BCR: variants seen among roughly 807,000 people sequenced by gnomAD.
BCR encodes BCR activator of RhoGEF and GTPase.
BCR carries 58 observed loss-of-function variants against 138.6 expected under a neutral mutation model. That is an observed-to-expected ratio of 0.42 (90% CI 0.34 to 0.52). The LOEUF is 0.52. Among genes scored for constraint, BCR ranks in the 20% least tolerant of loss-of-function variants. The pLI is 0.06. For missense variants in BCR, 1,599 were observed against 1,727.2 expected, an observed-to-expected ratio of 0.93 and a Z score of 1.32; for synonymous variants, 786 against 730.1, an observed-to-expected ratio of 1.08 and a Z score of -1.23.
intron 1 of BCR, among the ~76,000 whole-genome samples, chr22:23,223,432 G>A (rs2072851771): frequency 6.6e-6 from 1 of 152,192 alleles, no homozygotes; most frequent in Admixed American, 6.5e-5. Flanking sequence ...TGGGCTTTGT[G>A]TACATTTCTT....
At chr22:23,242,357 G>A (rs574508646) in intron 1 of BCR, among the ~76,000 whole-genome samples, 2 of 152,258 alleles carry the variant, frequency 1.3e-5, no homozygotes, top group African/African-American at 4.8e-5. Flanking sequence ...GGTGATAAGG[G>A]CTATTTTCTC....
At chr22:23,276,833 G>A (rs947095884) in intron 8 of BCR, among the ~76,000 whole-genome samples, 5 of 152,232 alleles carry the variant, frequency 3.3e-5, no homozygotes, top group South Asian at 2.1e-4. Flanking sequence ...GTCAGGGTCC[G>A]CTCTCCCTCA....
At position 23,301,441 on chromosome 22, in the gene BCR, C is replaced by A. The variant is rs528966976; in HGVS notation, c.3012+6286C>A. Among the ~76,000 whole-genome samples, 921 of 152,368 alleles carry A rather than the reference C, an allele frequency of 6.0e-3. 9 individuals are homozygous for A. The highest frequency in any genetic ancestry group is 0.02 in the African/African-American group (829 of 41,588). ...GGACTGTGTCTCAGGGCCCCCGTCC[C>A]TGTTGCGCTGCACTCGGCTAGGCTG... On this transcript the variant is annotated intron_variant, in intron 16 of 22. Coordinates refer to ENST00000305877, the MANE Select transcript of BCR (RefSeq NM_004327.4).
At chr22:23,261,298 C>T in intron 3 of BCR, 57 bp from the exon 4 acceptor site, 4 of 1,535,802 alleles carry the variant, frequency 2.6e-6, no homozygotes, top group Non-Finnish European at 3.6e-6. Flanking sequence ...CCATACAATG[C>T]ACCTGACGGA....
In BCR at chr22:23,181,496, A is replaced by G. The variant is rs2072259863; in HGVS notation, c.536A>G (p.Asn179Ser). 1.2e-6 allele frequency: 2 copies of G among 1,612,136 alleles called. No individual in the cohort carries two copies. Among genetic ancestry groups the G allele is most frequent in the Non-Finnish European group, 1.7e-6 (2 of 1,179,344 alleles). Residue 179 changes from asparagine to serine, a missense_variant, in exon 1 of 23, where the codon AAC (asparagine) becomes AGC (serine). Physicochemically the swap from Asn to Ser is conservative, Grantham distance 46 (BLOSUM62 1). Coordinates refer to ENST00000305877, the MANE Select transcript of BCR (RefSeq NM_004327.4). ...GACGCCGAGAAGCCCTTCTACGTGAACGTCGAGTTTCACCACGAGCGCGGC... is the reference window on the plus strand; with the variant it reads ...GACGCCGAGAAGCCCTTCTACGTGAGCGTCGAGTTTCACCACGAGCGCGGC... ...GADAEKPFYV[N>S]VEFHHERGLV... is the part of the protein sequence containing the mutation.
At chr22:23,292,992 C>T (rs2073805715) in intron 15 of BCR, among the ~76,000 whole-genome samples, 1 of 152,084 alleles carries the variant, frequency 6.6e-6, no homozygotes, top group African/African-American at 2.4e-5. Context: ...CCGTGACCCT[C>T]TTGGCTTCCG....
intron 1 of BCR, among the ~76,000 whole-genome samples, chr22:23,188,836 T>G (rs2146198058): frequency 6.6e-6 from 1 of 152,106 alleles, no homozygotes; most frequent in Middle Eastern, 3.4e-3. Flanking sequence ...ATGTTAGAAG[T>G]TTGTTATTTT....
chr22:23,220,607 A>T (rs1421914109), intron 1 of BCR, among the ~76,000 whole-genome samples: 2 of 152,106 alleles, frequency 1.3e-5, no homozygotes, highest in East Asian at 1.9e-4. Context: ...ACCCACTTGC[A>T]AGCTCAGCTC....
intron 1 of BCR, among the ~76,000 whole-genome samples, chr22:23,248,737 A>C (rs541528953): frequency 2.6e-5 from 4 of 152,274 alleles, no homozygotes; most frequent in African/African-American, 7.2e-5. Context: ...TTCCTGGTTC[A>C]GGTGAGCAGC....
intron 1 of BCR, among the ~76,000 whole-genome samples, chr22:23,186,925 G>T (rs745996703): frequency 6.6e-6 from 1 of 152,144 alleles, no homozygotes; most frequent in Non-Finnish European, 1.5e-5. Flanking sequence ...CAGTAGAGAC[G>T]GGGTTTCGCC....
At chr22:23,269,486 C>A (rs755175492) in intron 5 of BCR, among the ~76,000 whole-genome samples, 6 of 152,224 alleles carry the variant, frequency 3.9e-5, no homozygotes, top group Admixed American at 1.3e-4. Context: ...TCAGCTGTCA[C>A]CCCTGGGCTT....
intron 1 of BCR, among the ~76,000 whole-genome samples, chr22:23,228,445 G>A (rs987437935): frequency 9.9e-5 from 15 of 152,112 alleles, no homozygotes; most frequent in African/African-American, 3.6e-4. Context: ...AAAAATAAAT[G>A]TATTAGTTTC....
At chr22:23,218,306 G>A (rs1022168377) in intron 1 of BCR, among the ~76,000 whole-genome samples, 7 of 152,204 alleles carry the variant, frequency 4.6e-5, no homozygotes, top group East Asian at 3.9e-4. Context: ...AGTGCCTCAC[G>A]CCCAGGGTGA....
chr22:23,312,688 A>G (rs2074021267), intron 19 of BCR, 199 bp from the exon 20 acceptor site: 1 of 581,064 alleles, frequency 1.7e-6, no homozygotes, highest in Admixed American at 3.0e-5. Flanking sequence ...AGGAATGGGA[A>G]TGCCCACGCA....
intron 4 of BCR, among the ~76,000 whole-genome samples, chr22:23,265,961 TTTCA>T (rs1357837511): frequency 1.3e-5 from 2 of 152,198 alleles, no homozygotes; most frequent in African/African-American, 4.8e-5. Flanking sequence ...TCACAGCTGT[TTTCA>T]TTCTCTGATT....
At chr22:23,249,859 T>C (rs1442308793) in intron 1 of BCR, among the ~76,000 whole-genome samples, 1 of 152,160 alleles carries the variant, frequency 6.6e-6, no homozygotes, top group Non-Finnish European at 1.5e-5. Flanking sequence ...GAGCAGGCCA[T>C]CTGGAATCCA....
At chr22:23,200,751 G>A (rs2072543907) in intron 1 of BCR, among the ~76,000 whole-genome samples, 2 of 151,970 alleles carry the variant, frequency 1.3e-5, no homozygotes, top group Non-Finnish European at 2.9e-5. Flanking sequence ...GTAGAGATGA[G>A]GTGTCTTCAT....
At chr22:23,306,969 C>T (rs1445542043) in intron 16 of BCR, 1 of 152,592 alleles carries the variant, frequency 6.6e-6, no homozygotes, top group Non-Finnish European at 1.5e-5. Context: ...CTTACCTGGA[C>T]TCTGGGTTGC....
chr22:23,246,984 G>A (rs2031226535), intron 1 of BCR, among the ~76,000 whole-genome samples: 1 of 152,066 alleles, frequency 6.6e-6, no homozygotes, highest in Non-Finnish European at 1.5e-5. Flanking sequence ...AGCGTGGGGT[G>A]CAGAGCCAGC....
Sources: gnomAD v4.1 joint callset for allele counts (sites outside exome capture counted in the v4.1 genomes callset) on GRCh38, gnomAD v4.1.1 for gene constraint, MANE v1.5 for transcripts, NCBI Gene and HGNC (gene_info 2026-07-23, HGNC 2026-07-21) for gene names.